The following SYCP2 variants were observed in gnomAD, a reference collection of about 807,000 sequenced individuals.
SYCP2 encodes synaptonemal complex lateral element protein.
Under a neutral mutation model 211.3 loss-of-function variants are expected in SYCP2, and 55 were observed. The observed-to-expected ratio is 0.26, with a 90% CI of 0.21 to 0.33. The LOEUF (loss-of-function observed/expected upper bound fraction) is 0.33, where lower values mean the gene tolerates loss of function less well. Among genes scored for constraint, SYCP2 ranks in the 10% least tolerant of loss-of-function variants. SYCP2 has a pLI of 1.00. For synonymous variants in SYCP2, 570 were observed against 555.2 expected, an observed-to-expected ratio of 1.03 and a Z score of -0.37; for missense variants, 1,731 against 1,752.0, an observed-to-expected ratio of 0.99 and a Z score of 0.21.
In SYCP2 at chr20:59,882,115, A is replaced by G; in HGVS notation, c.2580T>C (p.Asn860=). 1 of 1,613,158 alleles carries G rather than the reference A, an allele frequency of 6.2e-7. No individual in the cohort carries two copies. The highest frequency in any genetic ancestry group is 1.1e-5 in the South Asian group (1 of 90,904). The change falls in exon 27 of 45, where the codon AAT becomes AAC. Residue 860 remains asparagine (N), a synonymous_variant. Transcript: ENST00000357552. The stretch of plus-strand genomic sequence containing the variant: ...CTTACACTGGGCATTCAGAAGTAAC[A>G]TTAACAAAGGTAGTCTTCAGTTTTC... ...SYRKLKTTFV[N]VTSECPVNDV...
intron 4 of SYCP2, 93 bp downstream of exon 4, chr20:59,921,217 G>C: frequency 9.5e-7 from 1 of 1,057,166 alleles, no homozygotes. Flanking sequence ...GCTTGCCCAA[G>C]CCTATTCATT....
At chr20:59,907,698 G>A (rs2060238740) in intron 14 of SYCP2, among the ~76,000 whole-genome samples, 2 of 151,968 alleles carry the variant, frequency 1.3e-5, no homozygotes, top group African/African-American at 4.8e-5. Flanking sequence ...ATTTATTAGA[G>A]GATACCCTTT....
chr20:59,920,462 T>C lies in SYCP2; in HGVS notation c.194A>G (p.Asn65Ser), dbSNP rs778543609. The change falls in exon 5 of 45, where the codon AAT becomes AGT. Residue 65 changes from asparagine (N) to serine (S), a missense_variant. This residue lies in a region of SYCP2 where 335 missense variants were observed against 378.8 expected (regional missense o/e 0.88). Coordinates refer to ENST00000357552, the MANE Select transcript of SYCP2 (RefSeq NM_014258.4). Reference sequence around the variant, plus strand: ...AACAGAAACCAAAATGGCTGAAACATTGTGGATATCCTCTTTATTAAGTTC... The same window carrying C: ...AACAGAAACCAAAATGGCTGAAACACTGTGGATATCCTCTTTATTAAGTTC... ...CRELNKEDIH[N>S]VSAILVSVGR... is the part of the protein sequence containing the mutation. 21 of 1,605,374 alleles carry C rather than the reference T, an allele frequency of 1.3e-5. 1 individual carries two copies. The South Asian group carries it at 2.1e-4, about 16-fold the overall frequency.
intron 25 of SYCP2, among the ~76,000 whole-genome samples, chr20:59,886,241 C>T (rs1194733292): frequency 1.3e-5 from 2 of 151,816 alleles, no homozygotes; most frequent in Admixed American, 6.6e-5. Flanking sequence ...ATAGTAAGGC[C>T]AGAATTAACG....
chr20:59,893,486 C>T, intron 21 of SYCP2, 38 bp downstream of exon 21: 1 of 1,364,780 alleles, frequency 7.3e-7, no homozygotes, highest in Non-Finnish European at 1.0e-6. Context: ...TATACATTTT[C>T]TTAAAAAAAT....
At chr20:59,930,213 A>G (rs1463131969) in intron 2 of SYCP2, among the ~76,000 whole-genome samples, 1 of 152,186 alleles carries the variant, frequency 6.6e-6, no homozygotes, top group African/African-American at 2.4e-5. Context: ...GAGGACTGCA[A>G]TTAATTACAC....
At chr20:59,904,649 CGA>C (rs943468392) in intron 15 of SYCP2, among the ~76,000 whole-genome samples, 1 of 151,954 alleles carries the variant, frequency 6.6e-6, no homozygotes, top group Non-Finnish European at 1.5e-5. Context: ...TATGACTGAT[CGA>C]GAGAGGAAAC....
intron 3 of SYCP2, among the ~76,000 whole-genome samples, chr20:59,922,140 C>G (rs541913330): frequency 6.6e-6 from 1 of 151,528 alleles, no homozygotes. Context: ...TGAATCAGTG[C>G]ATAATTCTTT....
At chr20:59,890,654 G>A (rs943885577) in intron 24 of SYCP2, among the ~76,000 whole-genome samples, 3 of 151,982 alleles carry the variant, frequency 2.0e-5, no homozygotes, top group Admixed American at 2.0e-4. Flanking sequence ...ATAGGATACA[G>A]GTAGTGACTC....
In SYCP2 at chr20:59,900,183, A is replaced by G. The variant is rs1434628650; in HGVS notation, c.1359T>C (p.Tyr453=). The change falls in exon 18 of 45, where the codon TAT becomes TAC. Residue 453 remains tyrosine (Y), a synonymous_variant. Transcript: ENST00000357552. The part of the protein sequence containing the change: ...SPKEFAKPSK[Y]IKNSDKGNRN... ...TATTCCCTTTGTCACTGTTTTTGAT[A>G]TATTTTGAAGGTTTAGCAAATTCCT... 7 of 1,613,166 alleles carry G rather than the reference A, an allele frequency of 4.3e-6. No homozygotes were observed. Among genetic ancestry groups the G allele is most frequent in the Non-Finnish European group, 5.9e-6 (7 of 1,179,582 alleles).
chr20:59,875,803 T>C (rs1444788670), intron 33 of SYCP2, among the ~76,000 whole-genome samples: 2 of 151,946 alleles, frequency 1.3e-5, no homozygotes, highest in Non-Finnish European at 2.9e-5. Context: ...TGAAAGAAGG[T>C]AGAAAGGGGA....
At chr20:59,931,093 A>G (rs1204455474) in intron 2 of SYCP2, among the ~76,000 whole-genome samples, 2 of 152,220 alleles carry the variant, frequency 1.3e-5, no homozygotes, top group East Asian at 3.8e-4. Flanking sequence ...GCATTCAGTT[A>G]TCTTTGGTAC....
Position 59,868,821 on chromosome 20 carries a change from CTA to C in SYCP2, c.3832+12_3832+13del, listed in dbSNP as rs1401249704. ...AGTAATCATTTTTTAAAAAGCAAGACTATGACTACAAACCTGATACATGAGTA... is the reference window on the plus strand; with the variant it reads ...AGTAATCATTTTTTAAAAAGCAAGACTGACTACAAACCTGATACATGAGTA... On this transcript the variant is annotated intron_variant, in intron 37 of 44. Transcript: ENST00000357552. 47 of 1,586,994 alleles carry C rather than the reference CTA, an allele frequency of 3.0e-5. No homozygotes were observed. The highest frequency in any genetic ancestry group is 3.8e-5 in the Non-Finnish European group (44 of 1,168,500).
intron 4 of SYCP2, 27 bp from the exon 5 acceptor site, chr20:59,920,514 T>A: frequency 6.5e-7 from 1 of 1,532,570 alleles, no homozygotes; most frequent in East Asian, 2.3e-5. Flanking sequence ...ACATTAAAAT[T>A]TCTGTAAACA....
chr20:59,893,665 G>C, intron 20 of SYCP2, 72 bp from the exon 21 acceptor site: 1 of 1,116,416 alleles, frequency 9.0e-7, no homozygotes, highest in Non-Finnish European at 1.3e-6. Context: ...CAGTATTAAG[G>C]TTTGAGTCTT....
chr20:59,867,178 A>G (rs895544789), intron 39 of SYCP2, among the ~76,000 whole-genome samples: 1 of 149,704 alleles, frequency 6.7e-6, no homozygotes, highest in African/African-American at 2.5e-5. Flanking sequence ...ATAAAAAACT[A>G]AAAAACTATC....
intron 1 of SYCP2, 62 bp from the exon 2 acceptor site, chr20:59,932,216 G>A (rs550324467): frequency 2.0e-5 from 3 of 152,112 alleles, no homozygotes; most frequent in African/African-American, 4.8e-5. Flanking sequence ...TTGGCAGATG[G>A]GGGAGGCAAA....
In SYCP2 at chr20:59,865,138, A is replaced by T. The variant is rs115534315; in HGVS notation, c.4515+250T>A. On this transcript the variant is annotated intron_variant, in intron 44 of 44. Coordinates refer to ENST00000357552, the MANE Select transcript of SYCP2 (RefSeq NM_014258.4). ...AGTGTTTAGAAACTGCAAACAAATC[A>T]TTCTTTCAGATAATTTTTCAATTTG... 2.3e-3 allele frequency among the ~76,000 whole-genome samples: 347 copies of T among 152,076 alleles called. 1 individual carries two copies. Among genetic ancestry groups the T allele is most frequent in the African/African-American group, 7.9e-3 (330 of 41,512 alleles).
At chr20:59,875,160 CTATAAT>C (rs1280939489) in intron 34 of SYCP2, 105 bp downstream of exon 34, 4 of 673,178 alleles carry the variant, frequency 5.9e-6, no homozygotes, top group East Asian at 5.6e-5. Flanking sequence ...GTTTTAACTA[CTATAAT>C]TATAAATACC....
Sources: gnomAD v4.1 joint callset for allele counts (sites outside exome capture counted in the v4.1 genomes callset) on GRCh38, gnomAD v4.1.1 for gene constraint, gnomAD v4.1.1 regional missense constraint, MANE v1.5 for transcripts, NCBI Gene and HGNC (gene_info 2026-07-23, HGNC 2026-07-21) for gene names.